MDFIC2: variants seen among roughly 807,000 people sequenced by gnomAD.
MDFIC2 encodes the protein myoD family inhibitor domain-containing protein 2.
At chr3:70,289,018 G>T (rs967074964) in intron 2 of MDFIC2, among the ~76,000 whole-genome samples, 5 of 152,126 alleles carry the variant, frequency 3.3e-5, no homozygotes, top group East Asian at 1.9e-4. Flanking sequence ...TATCCAGTTT[G>T]CCAGTCTGTG....
At chr3:70,220,709 T>C (rs1478227485) in intron 2 of MDFIC2, among the ~76,000 whole-genome samples, 1 of 152,178 alleles carries the variant, frequency 6.6e-6, no homozygotes, top group Non-Finnish European at 1.5e-5. Context: ...AAATATTTGC[T>C]GACTGCTACT....
chr3:70,274,635 G>A (rs1319168310), intron 2 of MDFIC2, among the ~76,000 whole-genome samples: 1 of 152,094 alleles, frequency 6.6e-6, no homozygotes, highest in Non-Finnish European at 1.5e-5. Flanking sequence ...GTTGGGGATG[G>A]AGCGGTGGGG....
chr3:70,279,404 C>T (rs1047238854), intron 2 of MDFIC2, among the ~76,000 whole-genome samples: 3 of 152,058 alleles, frequency 2.0e-5, no homozygotes, highest in Non-Finnish European at 4.4e-5. Context: ...ATATCACACT[C>T]GTCAGAAAGA....
intron 2 of MDFIC2, among the ~76,000 whole-genome samples, chr3:70,311,415 C>A (rs1287252748): frequency 6.6e-6 from 1 of 152,142 alleles, no homozygotes; most frequent in African/African-American, 2.4e-5. Context: ...ATGCGGAGCC[C>A]ATGGCCGACA....
At chr3:70,280,044 G>A (rs1702065365) in intron 2 of MDFIC2, among the ~76,000 whole-genome samples, 1 of 152,154 alleles carries the variant, frequency 6.6e-6, no homozygotes, top group South Asian at 2.1e-4. Flanking sequence ...CAGTTTCACT[G>A]GAGCAAAATC....
intron 2 of MDFIC2, among the ~76,000 whole-genome samples, chr3:70,265,209 G>T (rs1453054240): frequency 1.3e-5 from 2 of 152,202 alleles, no homozygotes; most frequent in Admixed American, 6.5e-5. Context: ...AAGTAGGCTA[G>T]TGTTCATGTA....
At chr3:70,229,176 A>G (rs957896656) in intron 2 of MDFIC2, among the ~76,000 whole-genome samples, 23 of 152,208 alleles carry the variant, frequency 1.5e-4, no homozygotes, top group African/African-American at 5.3e-4. Flanking sequence ...TTTAGTTATC[A>G]GCATCTTACA....
chr3:70,308,983 G>C (rs1042021309), intron 2 of MDFIC2, among the ~76,000 whole-genome samples: 3 of 152,322 alleles, frequency 2.0e-5, no homozygotes, highest in South Asian at 4.1e-4. Context: ...GGAGGCAGCA[G>C]AGTCACTGTC....
At chr3:70,218,790 T>C (rs1003020792) in intron 2 of MDFIC2, among the ~76,000 whole-genome samples, 3 of 152,172 alleles carry the variant, frequency 2.0e-5, no homozygotes, top group African/African-American at 7.2e-5. Flanking sequence ...TGGTAACCCA[T>C]ACTCAAGTGC....
chr3:70,208,947 C>T (rs780364557), intron 2 of MDFIC2, among the ~76,000 whole-genome samples: 3 of 151,980 alleles, frequency 2.0e-5, no homozygotes, highest in African/African-American at 4.8e-5. Context: ...AAACATCTGT[C>T]GTTGAAAGCA....
At chr3:70,251,198 C>A (rs1163991235) in intron 2 of MDFIC2, among the ~76,000 whole-genome samples, 1 of 152,178 alleles carries the variant, frequency 6.6e-6, no homozygotes, top group Non-Finnish European at 1.5e-5. Context: ...AGAGCTACTC[C>A]TCAGGTTCTG....
chr3:70,263,527 G>C (rs1225182834), intron 2 of MDFIC2, among the ~76,000 whole-genome samples: 2 of 152,130 alleles, frequency 1.3e-5, no homozygotes, highest in Non-Finnish European at 2.9e-5. Flanking sequence ...AGCCCTGAAA[G>C]ATCTCTGGAA....
At chr3:70,288,309 A>G (rs6769374) in intron 2 of MDFIC2, among the ~76,000 whole-genome samples, 87,774 of 87,842 alleles carry the variant, frequency 1, 43,854 homozygotes, top group Middle Eastern at 1. Flanking sequence ...CCTTCATTTC[A>G]TTATGTACCC....
intron 3 of MDFIC2, among the ~76,000 whole-genome samples, chr3:70,200,449 G>T (rs1701226523): frequency 6.6e-6 from 1 of 152,156 alleles, no homozygotes; most frequent in Admixed American, 6.5e-5. Context: ...TATTTGGAAT[G>T]CACATGGCTC....
chr3:70,284,557 C>T (rs761912461), intron 2 of MDFIC2, among the ~76,000 whole-genome samples: 7 of 152,130 alleles, frequency 4.6e-5, no homozygotes, highest in Non-Finnish European at 8.8e-5. Flanking sequence ...CCACGGAATA[C>T]TATGCAGCCA....
At chr3:70,238,975 C>T (rs4425219) in intron 2 of MDFIC2, among the ~76,000 whole-genome samples, 2 of 151,948 alleles carry the variant, frequency 1.3e-5, no homozygotes, top group African/African-American at 4.8e-5. Flanking sequence ...CTTTCTAACT[C>T]CTAAAATATT....
At chr3:70,284,190 G>T (rs1487903464) in intron 2 of MDFIC2, among the ~76,000 whole-genome samples, 1 of 152,112 alleles carries the variant, frequency 6.6e-6, no homozygotes, top group Non-Finnish European at 1.5e-5. Context: ...TATCTAATTA[G>T]AGAGACTTAA....
At chr3:70,210,630 G>GA (rs926517467) in intron 2 of MDFIC2, among the ~76,000 whole-genome samples, 1 of 152,058 alleles carries the variant, frequency 6.6e-6, no homozygotes, top group African/African-American at 2.4e-5. Context: ...CTTCTGTAGA[G>GA]AAAATTATTT....
At position 70,305,044 on chromosome 3, in the gene MDFIC2, A is replaced by G. The variant is rs1175803291; in HGVS notation, c.88+6842T>C. The stretch of plus-strand genomic sequence containing the variant: ...TTCTTCTTATTTAAGTCTCAGCTCA[A>G]ATAACTTTCCCACAGAGAGAACTTC... On this transcript the variant is annotated intron_variant, in intron 2 of 3. Coordinates refer to ENST00000567252, the MANE Select transcript of MDFIC2 (RefSeq NM_001364677.1). Among the ~76,000 whole-genome samples the G allele has an allele frequency of 3.3e-5, 5 of 152,300 alleles. No individual in the cohort carries two copies. The East Asian group carries it at 5.8e-4, about 18-fold the overall frequency.
Sources: gnomAD v4.1 joint callset for allele counts (sites outside exome capture counted in the v4.1 genomes callset) on GRCh38, gnomAD v4.1.1 for gene constraint, MANE v1.5 for transcripts, NCBI Gene and HGNC (gene_info 2026-07-23, HGNC 2026-07-21) for gene names.